Variants in NRXN3 observed in about 807,000 individuals in gnomAD.
NRXN3 encodes neurexin III.
NRXN3 carries 32 observed loss-of-function variants against 137.6 expected under a neutral mutation model. The observed-to-expected ratio is 0.23, with a 90% CI of 0.18 to 0.31. NRXN3 has a LOEUF of 0.31. Ranked by LOEUF, NRXN3 falls within the 10% of genes least tolerant of loss-of-function variation. NRXN3 has a pLI of 1.00. For synonymous variants in NRXN3, 798 were observed against 784.5 expected (o/e 1.02, Z -0.29); for missense variants, 1,574 against 2,062.5 (o/e 0.76, Z 4.59).
At chr14:78,773,960 C>A (rs2153004908) in intron 8 of NRXN3, among the ~76,000 whole-genome samples, 1 of 152,226 alleles carries the variant, frequency 6.6e-6, no homozygotes, top group East Asian at 1.9e-4. Context: ...CGCCACCACA[C>A]CCAACTAATT....
chr14:79,092,417 C>A (rs74563562), intron 15 of NRXN3, among the ~76,000 whole-genome samples: 1 of 152,288 alleles, frequency 6.6e-6, no homozygotes, highest in East Asian at 1.9e-4. Context: ...CAAGTGGGAA[C>A]CACTGTTAAC....
At chr14:79,610,310 A>C (rs1411273513) in intron 16 of NRXN3, among the ~76,000 whole-genome samples, 1 of 152,198 alleles carries the variant, frequency 6.6e-6, no homozygotes, top group Non-Finnish European at 1.5e-5. Context: ...AATGTGAAGC[A>C]CTTAATAAAC....
intron 15 of NRXN3, among the ~76,000 whole-genome samples, chr14:79,308,121 C>G (rs1405553803): frequency 6.6e-6 from 1 of 152,066 alleles, no homozygotes; most frequent in Non-Finnish European, 1.5e-5. Context: ...ACTTACTCAC[C>G]TCTTTAAAGG....
chr14:79,421,590 T>C (rs1600063181), intron 15 of NRXN3, among the ~76,000 whole-genome samples: 1 of 152,194 alleles, frequency 6.6e-6, no homozygotes, highest in African/African-American at 2.4e-5. Context: ...TCTATTTCTA[T>C]TTCTGTCAGC....
intron 15 of NRXN3, among the ~76,000 whole-genome samples, chr14:79,333,739 A>T (rs527542442): frequency 6.6e-6 from 1 of 152,156 alleles, no homozygotes; most frequent in African/African-American, 2.4e-5. Flanking sequence ...AGAAATATCC[A>T]TGATGGCTCT....
intron 20 of NRXN3, among the ~76,000 whole-genome samples, chr14:79,849,567 A>G (rs2099387374): frequency 6.6e-6 from 1 of 152,222 alleles, no homozygotes; most frequent in African/African-American, 2.4e-5. Context: ...ATCACCTCAT[A>G]CATGGTAGGG....
At chr14:79,274,951 T>C (rs1380483068) in intron 15 of NRXN3, among the ~76,000 whole-genome samples, 1 of 152,224 alleles carries the variant, frequency 6.6e-6, no homozygotes, top group Admixed American at 6.5e-5. Flanking sequence ...CATTGTCTTT[T>C]TTTAAGCAAA....
At chr14:79,695,637 G>GA (rs10585470) in intron 18 of NRXN3, among the ~76,000 whole-genome samples, 3,811 of 88,112 alleles carry the variant, frequency 0.043, 70 homozygotes, top group Middle Eastern at 0.058. Flanking sequence ...AGGGCTTCCA[G>GA]AAAAAAAAAA....
intron 4 of NRXN3, among the ~76,000 whole-genome samples, chr14:78,481,911 A>G (rs1453555258): frequency 2.0e-5 from 3 of 151,998 alleles, no homozygotes; most frequent in African/African-American, 7.2e-5. Flanking sequence ...CTTATTTTTT[A>G]GGGTATCTCC....
intron 15 of NRXN3, among the ~76,000 whole-genome samples, chr14:79,129,075 T>C (rs2057028262): frequency 6.6e-6 from 1 of 152,140 alleles, no homozygotes; most frequent in Non-Finnish European, 1.5e-5. Context: ...TCTTTTTTTC[T>C]TTATTAATCT....
intron 15 of NRXN3, among the ~76,000 whole-genome samples, chr14:79,364,428 A>G (rs1295569088): frequency 6.6e-6 from 1 of 152,224 alleles, no homozygotes; most frequent in Non-Finnish European, 1.5e-5. Context: ...GATGCTTCCC[A>G]TGTGCAGGAG....
chr14:78,257,946 G>GGAA (rs1485490224), intron 2 of NRXN3, among the ~76,000 whole-genome samples: 2 of 152,128 alleles, frequency 1.3e-5, no homozygotes, highest in East Asian at 3.9e-4. Context: ...GGGTAGTGAT[G>GGAA]GAAGAAGGGC....
At chr14:78,626,582 C>G (rs1477586469) in intron 4 of NRXN3, among the ~76,000 whole-genome samples, 1 of 152,166 alleles carries the variant, frequency 6.6e-6, no homozygotes, top group Non-Finnish European at 1.5e-5. Context: ...GTACATATAT[C>G]TCCCCAAAGT....
At chr14:78,903,019 C>T (rs1360649067) in intron 10 of NRXN3, among the ~76,000 whole-genome samples, 2 of 151,752 alleles carry the variant, frequency 1.3e-5, no homozygotes, top group East Asian at 1.9e-4. Flanking sequence ...GAAGCTTGGC[C>T]GTGATTTCCC....
intron 15 of NRXN3, among the ~76,000 whole-genome samples, chr14:79,427,533 C>G (rs1383195993): frequency 6.6e-6 from 1 of 152,138 alleles, no homozygotes; most frequent in East Asian, 1.9e-4. Context: ...AAATTAAAGT[C>G]TGGACGCAGT....
rs2153986949 is a variant in NRXN3 at position 79,663,828 on chromosome 14, C to T, written c.3495C>T (p.Ser1165=). Residue 1165 remains serine, a synonymous_variant, in exon 17 of 21, where the codon TCC becomes TCT. Transcript: ENST00000335750. Reference sequence around the variant, plus strand: ...TCAACATTGGCACAGTTGACATCTCCATCAAAGAGGAGAGAACCCCTGTAA... The same window carrying T: ...TCAACATTGGCACAGTTGACATCTCTATCAAAGAGGAGAGAACCCCTGTAA... ...VVFNIGTVDI[S]IKEERTPVND... 2 of 1,613,306 alleles carry T rather than the reference C, an allele frequency of 1.2e-6. No homozygotes were observed. The highest frequency in any genetic ancestry group is 1.3e-5 in the African/African-American group (1 of 74,978).
intron 19 of NRXN3, among the ~76,000 whole-genome samples, chr14:79,785,837 C>T (rs924346925): frequency 3.9e-5 from 6 of 151,946 alleles, no homozygotes; most frequent in Non-Finnish European, 7.4e-5. Context: ...ATTTATTCCC[C>T]GACAAATTGA....
At chr14:79,203,788 A>G (rs1005542661) in intron 15 of NRXN3, among the ~76,000 whole-genome samples, 1 of 152,218 alleles carries the variant, frequency 6.6e-6, no homozygotes, top group Non-Finnish European at 1.5e-5. Context: ...ATTAAATACT[A>G]TATACATGTA....
At chr14:78,755,486 C>T (rs539806611) in intron 8 of NRXN3, among the ~76,000 whole-genome samples, 1 of 152,276 alleles carries the variant, frequency 6.6e-6, no homozygotes, top group Admixed American at 6.5e-5. Context: ...AATGAGTGAG[C>T]ACACTTGACT....
Sources: gnomAD v4.1 joint callset for allele counts (sites outside exome capture counted in the v4.1 genomes callset) on GRCh38, gnomAD v4.1.1 for gene constraint, MANE v1.5 for transcripts, NCBI Gene and HGNC (gene_info 2026-07-23, HGNC 2026-07-21) for gene names.